RNF14: variants seen among roughly 807,000 people sequenced by gnomAD.
RNF14 encodes E3 ubiquitin-protein ligase RNF14.
A neutral mutation model predicts 52.6 loss-of-function variants in RNF14; 26 were observed. The ratio of observed to expected loss-of-function variants is 0.49; its 90% CI spans 0.36 to 0.69. The LOEUF (loss-of-function observed/expected upper bound fraction) is 0.69, where lower values mean the gene tolerates loss of function less well. Ranked by LOEUF, RNF14 falls within the 30% of genes least tolerant of loss-of-function variation. The probability of loss-of-function intolerance (pLI) is 0.00; values close to 1 mark genes in which losing one functional copy is unlikely to be tolerated. For synonymous variants in RNF14, 194 were observed against 202.0 expected, an observed-to-expected ratio of 0.96 and a Z score of 0.34; for missense variants, 404 against 560.4, an observed-to-expected ratio of 0.72 and a Z score of 2.82.
chr5:141,971,701 G>A (rs970806779), intron 2 of RNF14, among the ~76,000 whole-genome samples: 1 of 142,674 alleles, frequency 7.0e-6, no homozygotes, highest in Non-Finnish European at 1.5e-5. Flanking sequence ...GAATGCAGTG[G>A]TGCAATCTCA....
chr5:141,983,867 T>A (rs1755000074), intron 7 of RNF14, among the ~76,000 whole-genome samples: 1 of 152,120 alleles, frequency 6.6e-6, no homozygotes, highest in Non-Finnish European at 1.5e-5. Flanking sequence ...TTAAAAAAAA[T>A]CAAATCTGAT....
At chr5:141,986,838 T>A (rs1755275335) in intron 8 of RNF14, among the ~76,000 whole-genome samples, 1 of 152,210 alleles carries the variant, frequency 6.6e-6, no homozygotes, top group South Asian at 2.1e-4. Context: ...TGAATATTTA[T>A]GAAAGGAGAA....
At chr5:141,979,409 C>T (rs573588013) in intron 5 of RNF14, among the ~76,000 whole-genome samples, 137 of 152,216 alleles carry the variant, frequency 9.0e-4, no homozygotes, top group African/African-American at 3.1e-3. Flanking sequence ...CCACCATGCC[C>T]GGCTAATTTT....
chr5:141,975,503 T>C (rs1754165232), intron 4 of RNF14, among the ~76,000 whole-genome samples: 1 of 152,236 alleles, frequency 6.6e-6, no homozygotes, highest in Non-Finnish European at 1.5e-5. Flanking sequence ...GTATAGTTCC[T>C]GTAGATATCT....
upstream of RNF14, chr5:141,963,285 A>G (rs994003349): frequency 5.1e-4 from 78 of 152,336 alleles, no homozygotes; most frequent in African/African-American, 1.8e-3. Flanking sequence ...GCCCAGTTAA[A>G]TTAGAATTTC....
At chr5:141,986,783 C>G (rs1039244983) in intron 8 of RNF14, among the ~76,000 whole-genome samples, 22 of 152,148 alleles carry the variant, frequency 1.4e-4, no homozygotes, top group African/African-American at 5.3e-4. Flanking sequence ...TTATGCCCTA[C>G]AAGATAGCCA....
At chr5:141,949,699 G>T in the RNF14 span, 14 of 1,287,644 alleles carry the variant, frequency 1.1e-5, no homozygotes, top group African/African-American at 2.1e-4. Context: ...ACACAGCCTG[G>T]CCTCTAGAGT....
chr5:141,956,175 A>G, upstream of RNF14: 1 of 1,614,154 alleles, frequency 6.2e-7, no homozygotes, highest in South Asian at 1.1e-5. Context: ...GGGCATTATC[A>G]TTGGCATCCA....
rs1754477951 is a variant in RNF14 at position 141,978,689 on chromosome 5, A to G, written c.693A>G (p.Glu231=). 7 of 1,614,000 alleles carry G rather than the reference A, an allele frequency of 4.3e-6. No homozygotes were observed. Among genetic ancestry groups the G allele is most frequent in the Non-Finnish European group, 5.9e-6 (7 of 1,179,862 alleles). Residue 231 remains glutamate, a synonymous_variant, in exon 5 of 9, where the codon GAA becomes GAG. Transcript: ENST00000394520. ...GTTTCTGTGAGAAGCTGGGTAGTGAATGCATGTACTTCTTGGAGTGCAGGC... is the reference window on the plus strand; with the variant it reads ...GTTTCTGTGAGAAGCTGGGTAGTGAGTGCATGTACTTCTTGGAGTGCAGGC... The part of the protein sequence containing the change: ...SICFCEKLGS[E]CMYFLECRHV...
At chr5:141,956,464 C>G, upstream of RNF14, 4 of 1,614,210 alleles carry the variant, frequency 2.5e-6, no homozygotes, top group Non-Finnish European at 2.5e-6. Flanking sequence ...TTCATACCTG[C>G]TTTTCTCAAA....
chr5:141,974,675 G>A, intron 3 of RNF14, 129 bp from the exon 4 acceptor site: 2 of 821,760 alleles, frequency 2.4e-6, no homozygotes, highest in Non-Finnish European at 3.8e-6. Flanking sequence ...TTAAGAAATA[G>A]AAAGTGCTTT....
chr5:141,976,776 CTTTTTTTTTTTTTTTT>C (rs70991717), intron 4 of RNF14, among the ~76,000 whole-genome samples: 2 of 100,074 alleles, frequency 2.0e-5, no homozygotes, highest in Non-Finnish European at 3.9e-5. Context: ...CTTTCTCTCT[CTTTTTTTTTTTTTTTT>C]TTTTTTTTTT....
At chr5:141,957,628 A>G (rs767125689), upstream of RNF14, 10 of 1,614,018 alleles carry the variant, frequency 6.2e-6, no homozygotes, top group African/African-American at 1.3e-4. This position sits in a 1 kb window ranked among gnomAD's most constrained non-coding sequence, Gnocchi z 4.3. Flanking sequence ...CTGAATGGGG[A>G]GCGCCTGAGG....
chr5:141,980,209 G>T lies in RNF14; in HGVS notation c.921G>T (p.Val307=). 1 of 1,614,204 alleles carries T rather than the reference G, an allele frequency of 6.2e-7. No homozygotes were observed. The highest frequency in any genetic ancestry group is 8.5e-7 in the Non-Finnish European group (1 of 1,180,028). ...CCTTGGACCTGATGGCAGATGTGGT[G>T]TACTGCCCCCGGCCGTGCTGCCAGC... is the stretch of plus-strand genomic sequence containing the variant. ...QSSLDLMADV[V]YCPRPCCQLP... Residue 307 remains valine, a synonymous_variant, in exon 6 of 9, where the codon GTG becomes GTT. Transcript: ENST00000394520.
intron 4 of RNF14, among the ~76,000 whole-genome samples, chr5:141,977,627 C>T (rs1242904234): frequency 6.6e-6 from 1 of 152,178 alleles, no homozygotes; most frequent in Non-Finnish European, 1.5e-5. Context: ...TCTATGGCTG[C>T]CAAACCTTGC....
upstream of RNF14, chr5:141,957,932 G>A: frequency 1.3e-6 from 2 of 1,486,682 alleles, no homozygotes; most frequent in Non-Finnish European, 1.8e-6. This position sits in a 1 kb window ranked among gnomAD's most constrained non-coding sequence, Gnocchi z 4.3. Context: ...TTCCTGGATG[G>A]CTTGATCAGC....
upstream of RNF14, among the ~76,000 whole-genome samples, chr5:141,962,146 T>C (rs1001671154): frequency 1.3e-5 from 2 of 152,224 alleles, no homozygotes; most frequent in East Asian, 3.8e-4. Flanking sequence ...ATGTTCTGGG[T>C]TATCTGCTCC....
chr5:141,968,159 T>C (rs1359002981), upstream of RNF14, among the ~76,000 whole-genome samples: 2 of 149,714 alleles, frequency 1.3e-5, no homozygotes, highest in African/African-American at 4.9e-5. Context: ...CGCTGTTACC[T>C]AGGCTGGAGT....
chr5:141,959,728 C>T (rs535518757), intron 1 of RNF14, among the ~76,000 whole-genome samples: 2 of 152,220 alleles, frequency 1.3e-5, no homozygotes, highest in East Asian at 3.9e-4. Flanking sequence ...TGAGGTTTCC[C>T]AACTATTTCA....
Sources: allele counts gnomAD v4.1 joint callset (sites outside exome capture counted in the v4.1 genomes callset), GRCh38; gene constraint gnomAD v4.1.1; non-coding constraint Gnocchi (gnomAD v3.1); transcripts MANE v1.5; gene names NCBI Gene and HGNC (gene_info 2026-07-23, HGNC 2026-07-21).